The following HSD17B12 variants were observed in gnomAD, a reference collection of about 807,000 sequenced individuals.
HSD17B12 encodes hydroxysteroid 17-beta dehydrogenase 12, also known as very-long-chain 3-oxoacyl-CoA reductase.
A neutral mutation model predicts 39.3 loss-of-function variants in HSD17B12; 32 were observed. The ratio of observed to expected loss-of-function variants is 0.81; its 90% CI spans 0.61 to 1.09. The LOEUF (loss-of-function observed/expected upper bound fraction) is 1.09. Ranked by LOEUF, HSD17B12 falls within the 50% of genes least tolerant of loss-of-function variation. The pLI is 0.00. For synonymous variants in HSD17B12, 150 were observed against 146.7 expected (o/e 1.02, Z -0.16); for missense variants, 342 against 382.9 (o/e 0.89, Z 0.89).
intron 3 of HSD17B12, among the ~76,000 whole-genome samples, chr11:43,768,424 G>A (rs904536739): frequency 1.5e-4 from 23 of 152,168 alleles, no homozygotes; most frequent in African/African-American, 5.3e-4. Context: ...GCACAATCTT[G>A]GTTCACTGCA....
At chr11:43,702,233 G>A (rs1949971561) in intron 1 of HSD17B12, among the ~76,000 whole-genome samples, 1 of 152,138 alleles carries the variant, frequency 6.6e-6, no homozygotes, top group Non-Finnish European at 1.5e-5. Flanking sequence ...TTCTCATGGA[G>A]TCCTTTGCTT....
the HSD17B12 span, among the ~76,000 whole-genome samples, chr11:43,582,637 T>C: frequency 3.3e-5 from 5 of 152,160 alleles, no homozygotes; most frequent in Admixed American, 2.6e-4. Context: ...ATTTCCCCCG[T>C]ATCACAACCA....
chr11:43,803,776 G>A lies in HSD17B12; in HGVS notation c.391+5349G>A, dbSNP rs188189935. On this transcript the variant is annotated intron_variant, in intron 4 of 10. Coordinates refer to ENST00000278353, the MANE Select transcript of HSD17B12 (RefSeq NM_016142.3). ...GTTGAGAAGTTGGATTCTTAACTCC[G>A]TTACTTAAAAAAAAACTAAGCATCT... Among the ~76,000 whole-genome samples the A allele has an allele frequency of 1.2e-4, 19 of 152,100 alleles. No individual in the cohort carries two copies. The East Asian group carries it at 1.5e-3, about 12-fold the overall frequency.
At chr11:43,593,220 T>G in the HSD17B12 span, among the ~76,000 whole-genome samples, 2 of 152,218 alleles carry the variant, frequency 1.3e-5, no homozygotes, top group African/African-American at 4.8e-5. Context: ...TACCCTAATG[T>G]TAGAACGGTC....
intron 1 of HSD17B12, among the ~76,000 whole-genome samples, chr11:43,702,449 G>A (rs963710676): frequency 2.0e-5 from 3 of 152,204 alleles, no homozygotes; most frequent in Non-Finnish European, 2.9e-5. Flanking sequence ...CGTTCTGTAT[G>A]ATGCTGGCTG....
chr11:43,817,044 A>C lies in HSD17B12; in HGVS notation c.501+653A>C, dbSNP rs1205432544. On this transcript the variant is annotated intron_variant, in intron 6 of 10. Coordinates refer to ENST00000278353, the MANE Select transcript of HSD17B12 (RefSeq NM_016142.3). Reference sequence around the variant, plus strand: ...TATCTATATCTATATCTATATCTATATATATATATATATATCTCGTGGTTT... The same window carrying C: ...TATCTATATCTATATCTATATCTATCTATATATATATATATCTCGTGGTTT... Among the ~76,000 whole-genome samples, 77 of 110,374 alleles carry C rather than the reference A, an allele frequency of 7.0e-4. 2 individuals are homozygous for C. Among genetic ancestry groups the C allele is most frequent in the South Asian group, 2.3e-3 (8 of 3,528 alleles). The allele number at this position is 110,374 out of a possible 152,430, so 72.4% of individuals were successfully genotyped here. A position where few individuals can be genotyped will look rare whatever the true frequency, so the allele number is the denominator to read the frequency against.
the HSD17B12 span, chr11:43,640,980 G>T: frequency 1.3e-5 from 2 of 151,502 alleles, no homozygotes; most frequent in Non-Finnish European, 3.0e-5. Context: ...ATCTCCTGAA[G>T]AAATTTGAAG....
chr11:43,601,761 A>G, the HSD17B12 span, among the ~76,000 whole-genome samples: 1 of 152,132 alleles, frequency 6.6e-6, no homozygotes, highest in Admixed American at 6.6e-5. Context: ...TGTTTCTTTC[A>G]AGCAGCTGTT....
chr11:43,775,740 C>T (rs1246662056), intron 3 of HSD17B12, among the ~76,000 whole-genome samples: 1 of 150,920 alleles, frequency 6.6e-6, no homozygotes, highest in East Asian at 1.9e-4. Context: ...GTATATCTCC[C>T]AATGCTATCC....
chr11:43,762,000 A>C (rs1471054311), intron 3 of HSD17B12, among the ~76,000 whole-genome samples: 1 of 152,180 alleles, frequency 6.6e-6, no homozygotes, highest in East Asian at 1.9e-4. Flanking sequence ...TTGTTGGAAA[A>C]TACGATCTGG....
chr11:43,743,383 G>A (rs994286017), intron 1 of HSD17B12, among the ~76,000 whole-genome samples: 10 of 152,162 alleles, frequency 6.6e-5, no homozygotes, highest in African/African-American at 2.4e-4. Flanking sequence ...ATTGAAGGTG[G>A]TGGAGTGGTA....
the HSD17B12 span, among the ~76,000 whole-genome samples, chr11:43,566,137 G>A: frequency 6.6e-6 from 1 of 152,226 alleles, no homozygotes; most frequent in Non-Finnish European, 1.5e-5. Context: ...TGTAGAAATT[G>A]TAATAGGGAC....
the HSD17B12 span, among the ~76,000 whole-genome samples, chr11:43,595,761 G>A: frequency 2.0e-5 from 3 of 152,098 alleles, no homozygotes; most frequent in South Asian, 2.1e-4. Flanking sequence ...GAACATATAC[G>A]CTCATGGATT....
intron 3 of HSD17B12, among the ~76,000 whole-genome samples, chr11:43,787,751 A>T (rs1048006170): frequency 1.4e-5 from 2 of 141,324 alleles, no homozygotes; most frequent in East Asian, 2.4e-4. Flanking sequence ...AAAAAAAAAA[A>T]TAATAATAAT....
At chr11:43,811,041 A>G (rs1277605015) in intron 4 of HSD17B12, among the ~76,000 whole-genome samples, 1 of 152,184 alleles carries the variant, frequency 6.6e-6, no homozygotes, top group African/African-American at 2.4e-5. Flanking sequence ...CCCATTCTTA[A>G]TGAGATTATA....
intron 1 of HSD17B12, among the ~76,000 whole-genome samples, chr11:43,728,947 T>C (rs967710151): frequency 4.6e-5 from 7 of 152,154 alleles, no homozygotes; most frequent in African/African-American, 1.7e-4. Flanking sequence ...GTATAAAAGA[T>C]TAGTATGCAC....
the HSD17B12 span, among the ~76,000 whole-genome samples, chr11:43,600,695 C>G: frequency 3.3e-5 from 5 of 152,042 alleles, no homozygotes; most frequent in Admixed American, 3.3e-4. Context: ...TAGCAAGTTA[C>G]TTAACCTCTT....
the HSD17B12 span, among the ~76,000 whole-genome samples, chr11:43,668,218 T>C: frequency 6.6e-6 from 1 of 152,220 alleles, no homozygotes; most frequent in Non-Finnish European, 1.5e-5. Flanking sequence ...TTTCTGGAGA[T>C]ACTAGGAGGA....
intron 4 of HSD17B12, among the ~76,000 whole-genome samples, chr11:43,814,854 C>T (rs1188813909): frequency 2.0e-5 from 3 of 152,060 alleles, no homozygotes; most frequent in African/African-American, 4.8e-5. Flanking sequence ...TTGTATGCTC[C>T]GTGATACCAA....
Sources: allele counts gnomAD v4.1 joint callset (sites outside exome capture counted in the v4.1 genomes callset), GRCh38; gene constraint gnomAD v4.1.1; transcripts MANE v1.5; gene names NCBI Gene and HGNC (gene_info 2026-07-23, HGNC 2026-07-21).